Variants in SHC3 observed in about 807,000 individuals in gnomAD.
The protein encoded by SHC3 is SHC adaptor protein 3.
In SHC3, 15 loss-of-function variants were observed where a neutral mutation model predicts 60.4. That is an observed-to-expected ratio of 0.25 (90% CI 0.17 to 0.38). The LOEUF is 0.38. Ranked by LOEUF, SHC3 falls within the 10% of genes least tolerant of loss-of-function variation. The pLI, the probability that SHC3 is intolerant of heterozygous loss-of-function variation, is 1.00. For synonymous variants in SHC3, 294 were observed against 325.9 expected (o/e 0.90, Z 1.05); for missense variants, 677 against 786.1 (o/e 0.86, Z 1.66).
intron 11 of SHC3, among the ~76,000 whole-genome samples, chr9:89,025,965 T>C (rs1826290209): frequency 6.6e-6 from 1 of 152,070 alleles, no homozygotes; most frequent in South Asian, 2.1e-4. Flanking sequence ...AAACATTGGC[T>C]GGGCACAGTG....
intron 6 of SHC3, among the ~76,000 whole-genome samples, chr9:89,059,043 T>TG (rs1825010577): frequency 7.8e-6 from 1 of 127,896 alleles, no homozygotes; most frequent in Non-Finnish European, 1.6e-5. Context: ...TGGTGGAGGA[T>TG]GTGGTGGAGG....
chr9:89,068,660 AT>A (rs75622970), intron 5 of SHC3, among the ~76,000 whole-genome samples: 1 of 151,516 alleles, frequency 6.6e-6, no homozygotes, highest in Non-Finnish European at 1.5e-5. Context: ...AATGTTTCCA[AT>A]TTTTTTTAAA....
chr9:89,078,952 G>A (rs1276479355), intron 2 of SHC3, among the ~76,000 whole-genome samples: 1 of 152,190 alleles, frequency 6.6e-6, no homozygotes, highest in Non-Finnish European at 1.5e-5. Context: ...CCATGTGGAC[G>A]AAAAATAATC....
At chr9:89,095,296 C>T (rs571185275) in intron 2 of SHC3, among the ~76,000 whole-genome samples, 2 of 152,174 alleles carry the variant, frequency 1.3e-5, no homozygotes, top group East Asian at 3.9e-4. Context: ...AATTCTGACA[C>T]GTGCTACAAG....
At chr9:89,092,355 C>T (rs113797057) in intron 2 of SHC3, among the ~76,000 whole-genome samples, 2,081 of 152,246 alleles carry the variant, frequency 0.014, 46 homozygotes, top group African/African-American at 0.045. Flanking sequence ...CAGCGGCTCA[C>T]GCCTGTAATC....
rs1227894719 is a variant in SHC3, at chr9:89,075,333, C to T, written c.610-105G>A. The stretch of plus-strand genomic sequence containing the variant: ...AAACTCTCACTAACTGTTCCTCCCT[C>T]CTTAGGCATAAGAAGACAAAATGTG... On this transcript the variant is annotated intron_variant, in intron 3 of 11. Transcript: ENST00000375835. The T allele has an allele frequency of 2.8e-6, 4 of 1,445,106 alleles. No individual in the cohort carries two copies. The South Asian group carries it at 4.0e-5, about 15-fold the overall frequency. 89.5% of individuals were successfully genotyped at this position (1,445,106 alleles called of 1,614,324 possible).
chr9:89,155,342 G>A (rs1257627703), intron 1 of SHC3, among the ~76,000 whole-genome samples: 7 of 151,956 alleles, frequency 4.6e-5, no homozygotes, highest in African/African-American at 1.5e-4. Flanking sequence ...TTGCTCTTAC[G>A]GAACAACCAC....
intron 3 of SHC3, among the ~76,000 whole-genome samples, chr9:89,077,504 A>T (rs1825378331): frequency 1.3e-5 from 2 of 152,242 alleles, no homozygotes; most frequent in African/African-American, 4.8e-5. Flanking sequence ...ACCACTGGGG[A>T]TATCTAACTC....
rs367559451 is a variant in SHC3 at position 89,052,116 on chromosome 9, C to A, written c.883G>T (p.Gly295Cys). Residue 295 changes from glycine to cysteine, a missense_variant, in exon 7 of 12, where the codon GGC (glycine) becomes TGC (cysteine). Transcript: ENST00000375835. ...CCDGLAQDVI[G>C]SIGQAFELRF... ...AGCTCAAAGGCTTGTCCGATGGAGC[C>A]GATGACATCCTGGGCCAGCCCATCA... 5.0e-6 allele frequency: 8 copies of A among 1,613,958 alleles called. No homozygotes were observed. In the African/African-American group the frequency reaches 9.3e-5, roughly 19 times the overall value.
chr9:89,163,821 C>G (rs1251448583), intron 1 of SHC3, among the ~76,000 whole-genome samples: 1 of 151,752 alleles, frequency 6.6e-6, no homozygotes, highest in Non-Finnish European at 1.5e-5. Context: ...ATTCTGGAAT[C>G]TGGACATCCT....
intron 11 of SHC3, among the ~76,000 whole-genome samples, chr9:89,022,600 C>G (rs1193128242): frequency 6.6e-6 from 1 of 152,072 alleles, no homozygotes; most frequent in Admixed American, 6.5e-5. Context: ...AAAACACAAC[C>G]CTGGGTGGAG....
At chr9:89,135,541 G>A (rs1278334028) in intron 1 of SHC3, among the ~76,000 whole-genome samples, 1 of 152,068 alleles carries the variant, frequency 6.6e-6, no homozygotes, top group South Asian at 2.1e-4. Flanking sequence ...ATAAGACTAA[G>A]GCTTATTTTT....
chr9:89,117,171 C>T lies in SHC3; in HGVS notation c.475-4545G>A, dbSNP rs148700854. ...GGCCTAATTTCTTGTAGTTATATTA[C>T]CAGCAACACCACCTTTGCAGTGAAT... On this transcript the variant is annotated intron_variant, in intron 1 of 11. Coordinates refer to ENST00000375835, the MANE Select transcript of SHC3 (RefSeq NM_016848.6). Among the ~76,000 whole-genome samples, 207 of 152,298 alleles carry T rather than the reference C, an allele frequency of 1.4e-3. 1 individual carries two copies. Among genetic ancestry groups the T allele is most frequent in the African/African-American group, 4.5e-3 (188 of 41,552 alleles).
At position 89,010,480 on chromosome 9, in the gene SHC3, C is replaced by G. The variant is rs1464578334; in HGVS notation, c.*2967G>C. 1 of 152,218 alleles carries G rather than the reference C, an allele frequency of 6.6e-6. No individual in the cohort carries two copies. Among genetic ancestry groups the G allele is most frequent in the Non-Finnish European group, 1.5e-5 (1 of 68,076 alleles). 9.4% of individuals were successfully genotyped at this position (152,218 alleles called of 1,614,324 possible). ...GGTTAGGGGAGGTGGGTGGGGGTCTCTAGGGCCACTCGGTAAGGGCAGAGG... is the reference window on the plus strand; with the variant it reads ...GGTTAGGGGAGGTGGGTGGGGGTCTGTAGGGCCACTCGGTAAGGGCAGAGG... On this transcript the variant is annotated 3_prime_UTR_variant, in exon 12 of 12. Transcript: ENST00000375835.
At position 89,132,744 on chromosome 9, in the gene SHC3, A is replaced by T. The variant is rs531732430; in HGVS notation, c.475-20118T>A. The stretch of plus-strand genomic sequence containing the variant: ...GAAACTGGATCCTTCCTTACACCTT[A>T]TACAAAAATTAATTCAAGATGGATT... On this transcript the variant is annotated intron_variant, in intron 1 of 11. Coordinates refer to ENST00000375835, the MANE Select transcript of SHC3 (RefSeq NM_016848.6). Among the ~76,000 whole-genome samples the T allele has an allele frequency of 1.4e-4, 21 of 152,352 alleles. No homozygotes were observed. In the East Asian group the frequency reaches 3.7e-3, roughly 27 times the overall value.
intron 11 of SHC3, chr9:89,037,538 A>G (rs964762442): frequency 4.2e-6 from 3 of 717,056 alleles, no homozygotes; most frequent in Non-Finnish European, 7.8e-6. Flanking sequence ...TAAACGGGAA[A>G]ACAAGAGACT....
At chr9:89,140,340 C>T (rs535152947) in intron 1 of SHC3, among the ~76,000 whole-genome samples, 1 of 152,006 alleles carries the variant, frequency 6.6e-6, no homozygotes, top group Non-Finnish European at 1.5e-5. Flanking sequence ...CAGATTCCCC[C>T]CCCCAGATTA....
intron 6 of SHC3, among the ~76,000 whole-genome samples, chr9:89,063,007 G>A (rs568928979): frequency 3.9e-4 from 60 of 152,320 alleles, no homozygotes; most frequent in Non-Finnish European, 6.8e-4. Flanking sequence ...ACTGTCATCC[G>A]GTAGGCTGGG....
In SHC3 at chr9:89,161,419, G is replaced by A. The variant is rs184742823; in HGVS notation, c.474+16568C>T. Among the ~76,000 whole-genome samples the A allele has an allele frequency of 4.3e-4, 65 of 152,232 alleles. 1 individual carries two copies. The highest frequency in any genetic ancestry group is 3.8e-3 in the Admixed American group (58 of 15,304). On this transcript the variant is annotated intron_variant, in intron 1 of 11. Coordinates refer to ENST00000375835, the MANE Select transcript of SHC3 (RefSeq NM_016848.6). ...AGCAGATCTCAACATCATGCTTTCT[G>A]TACAGCCTGCAGAGCCAGTTAAACC...
Sources: allele counts gnomAD v4.1 joint callset (sites outside exome capture counted in the v4.1 genomes callset), GRCh38; gene constraint gnomAD v4.1.1; transcripts MANE v1.5; gene names NCBI Gene and HGNC (gene_info 2026-07-23, HGNC 2026-07-21).